The following CD8B variants were observed in gnomAD, a reference collection of about 807,000 sequenced individuals.
The protein encoded by CD8B is T-cell surface glycoprotein CD8 beta chain.
CD8B carries 6 observed loss-of-function variants against 24.2 expected under a neutral mutation model. The observed-to-expected ratio is 0.25, with a 90% CI of 0.14 to 0.49. The LOEUF (loss-of-function observed/expected upper bound fraction) is 0.49. Among genes scored for constraint, CD8B ranks in the 20% least tolerant of loss-of-function variants. The pLI, the probability that CD8B is intolerant of heterozygous loss-of-function variation, is 0.98. For synonymous variants in CD8B, 84 were observed against 108.3 expected (o/e 0.78, Z 1.39); for missense variants, 196 against 271.3 (o/e 0.72, Z 1.95).
intron 5 of CD8B, among the ~76,000 whole-genome samples, chr2:86,830,609 T>C (rs1674871027): frequency 6.6e-6 from 1 of 151,894 alleles, no homozygotes; most frequent in Non-Finnish European, 1.5e-5. Context: ...TAACCAATAA[T>C]ATCATGAATA....
chr2:86,829,022 A>G (rs767335883), intron 5 of CD8B, among the ~76,000 whole-genome samples: 67 of 151,840 alleles, frequency 4.4e-4, no homozygotes, highest in Non-Finnish European at 6.9e-4. Flanking sequence ...ACAAGACGAT[A>G]AAGATCACTT....
At chr2:86,833,078 A>G in intron 5 of CD8B, 1 of 331,810 alleles carries the variant, frequency 3.0e-6, no homozygotes. Flanking sequence ...ACAGGAACAC[A>G]GCTACAGACA....
At chr2:86,835,857 T>C (rs71411871), downstream of CD8B, among the ~76,000 whole-genome samples, 11 of 151,148 alleles carry the variant, frequency 7.3e-5, no homozygotes, top group African/African-American at 7.3e-5. Context: ...GGGGCTGGCA[T>C]GAGGCTGCAG....
At chr2:86,835,228 A>G (rs915179112), downstream of CD8B, among the ~76,000 whole-genome samples, 5 of 151,974 alleles carry the variant, frequency 3.3e-5, no homozygotes, top group Admixed American at 1.3e-4. Context: ...ACCACCCAAC[A>G]TGGCTTTCTG....
chr2:86,857,547 C>T (rs1397284309), intron 2 of CD8B, among the ~76,000 whole-genome samples: 1 of 151,978 alleles, frequency 6.6e-6, no homozygotes, highest in Non-Finnish European at 1.5e-5. Context: ...GGTGAAATCT[C>T]GTCTCCACTA....
intron 5 of CD8B, among the ~76,000 whole-genome samples, chr2:86,826,758 G>A (rs888331670): frequency 4.6e-5 from 7 of 152,058 alleles, no homozygotes; most frequent in Non-Finnish European, 1.0e-4. Flanking sequence ...ATCGAAAGGG[G>A]TGGAATTACA....
rs150918391 is a variant in CD8B at position 86,816,702 on chromosome 2, C to T, written c.621-984G>A. ...GTAAAACTTGAACTCTATCTCAAAC[C>T]ATTCACAAATGTATACTCCAGATAG... On this transcript the variant is annotated intron_variant, in intron 5 of 5. Coordinates refer to the CD8B transcript ENST00000331469. 4.7e-3 allele frequency among the ~76,000 whole-genome samples: 709 copies of T among 152,250 alleles called. 10 individuals are homozygous for T. The highest frequency in any genetic ancestry group is 0.016 in the African/African-American group (671 of 41,538).
downstream of CD8B, among the ~76,000 whole-genome samples, chr2:86,836,345 G>A (rs1231546057): frequency 6.6e-6 from 1 of 152,274 alleles, no homozygotes; most frequent in Middle Eastern, 3.4e-3. Flanking sequence ...ACTAGGGAGG[G>A]AACTGAGGCC....
intron 4 of CD8B, 116 bp from the exon 5 acceptor site, chr2:86,845,074 T>C (rs1675612383): frequency 1.4e-6 from 2 of 1,401,118 alleles, no homozygotes; most frequent in Non-Finnish European, 1.9e-6. Flanking sequence ...ACCTCCCTGG[T>C]CCCAGACCCT....
intron 1 of CD8B, among the ~76,000 whole-genome samples, chr2:86,859,358 G>C (rs1676454219): frequency 1.3e-5 from 2 of 152,170 alleles, no homozygotes; most frequent in Admixed American, 6.5e-5. Flanking sequence ...AGGAGCTAGA[G>C]CAGGACTCAC....
intron 3 of CD8B, among the ~76,000 whole-genome samples, 190 bp from the exon 4 acceptor site, chr2:86,846,963 A>C (rs1490170901): frequency 9.2e-6 from 1 of 108,924 alleles, no homozygotes; most frequent in Non-Finnish European, 1.7e-5. Flanking sequence ...TTTGAGACAG[A>C]GTCTTGCTCT....
chr2:86,848,701 A>ATTAT lies in CD8B; in HGVS notation c.494-1932_494-1929dup, dbSNP rs55752237. 4.9e-4 allele frequency among the ~76,000 whole-genome samples: 29 copies of ATTAT among 58,872 alleles called. 4 individuals carry two copies. The highest frequency in any genetic ancestry group is 1.4e-3 in the African/African-American group (16 of 11,754). The allele number at this position is 58,872 out of a possible 152,430, so 38.6% of individuals were successfully genotyped here. A position where few individuals can be genotyped will look rare whatever the true frequency, so the allele number is the denominator to read the frequency against. On this transcript the variant is annotated intron_variant, in intron 3 of 5. Transcript: ENST00000390655. Reference sequence around the variant, plus strand: ...GGAAGAAAGGTATTGGTATTTTTAAATTATTTATTTATTTATTTATTTATT... The same window carrying ATTAT: ...GGAAGAAAGGTATTGGTATTTTTAAATTATTTATTTATTTATTTATTTATTTATT...
chr2:86,851,923 C>T (rs1215319896), intron 3 of CD8B, among the ~76,000 whole-genome samples: 6 of 152,194 alleles, frequency 3.9e-5, no homozygotes, highest in Admixed American at 3.9e-4. Context: ...AACATGTATT[C>T]ATGAACTAGC....
At chr2:86,853,298 C>T (rs1473221247) in intron 2 of CD8B, among the ~76,000 whole-genome samples, 1 of 151,680 alleles carries the variant, frequency 6.6e-6, no homozygotes, top group Non-Finnish European at 1.5e-5. Flanking sequence ...AAAGTTTAGC[C>T]AGGCGTGGTG....
chr2:86,818,908 A>G (rs1281475696), intron 5 of CD8B, among the ~76,000 whole-genome samples: 4 of 152,232 alleles, frequency 2.6e-5, no homozygotes, highest in Non-Finnish European at 4.4e-5. Context: ...AAAGTTCTTG[A>G]AGGAAATTAA....
At chr2:86,846,613 G>C (rs1675688024) in intron 4 of CD8B, 71 bp downstream of exon 4, 1 of 702,162 alleles carries the variant, frequency 1.4e-6, no homozygotes, top group African/African-American at 1.9e-5. Flanking sequence ...CTCCCCTAGA[G>C]AAGAAAATAT....
intron 2 of CD8B, among the ~76,000 whole-genome samples, chr2:86,855,223 C>T (rs1209902214): frequency 2.0e-5 from 3 of 152,168 alleles, no homozygotes; most frequent in Non-Finnish European, 4.4e-5. Context: ...GACATTTTAA[C>T]CCCTCACCTC....
chr2:86,817,891 G>A (rs1286368221), intron 5 of CD8B, among the ~76,000 whole-genome samples: 1 of 152,040 alleles, frequency 6.6e-6, no homozygotes, highest in African/African-American at 2.4e-5. Flanking sequence ...ATAATTCATG[G>A]GAGGAGGTAA....
chr2:86,861,397 A>G (rs920259163), intron 1 of CD8B, among the ~76,000 whole-genome samples: 1 of 151,798 alleles, frequency 6.6e-6, no homozygotes, highest in Admixed American at 6.6e-5. Context: ...TTGTACTACA[A>G]ACACTTCCCC....
Sources: allele counts gnomAD v4.1 joint callset (sites outside exome capture counted in the v4.1 genomes callset), GRCh38; gene constraint gnomAD v4.1.1; transcripts MANE v1.5; gene names NCBI Gene and HGNC (gene_info 2026-07-23, HGNC 2026-07-21).